CHIC1: variants seen among roughly 807,000 people sequenced by gnomAD.
The protein encoded by CHIC1 is cysteine-rich hydrophobic domain-containing protein 1.
Under a neutral mutation model 18.5 loss-of-function variants are expected in CHIC1, and 7 were observed. That is an observed-to-expected ratio of 0.38 (90% CI 0.22 to 0.71). The LOEUF (loss-of-function observed/expected upper bound fraction) is 0.71, where lower values mean the gene tolerates loss of function less well. CHIC1 is among the 30% of genes least tolerant of loss of function. CHIC1 has a pLI of 0.49. For synonymous variants in CHIC1, 77 were observed against 73.5 expected (o/e 1.05, Z -0.25); for missense variants, 159 against 176.9 (o/e 0.90, Z 0.57).
intron 3 of CHIC1, among the ~76,000 whole-genome samples, chrX:73,618,915 C>T (rs754882185): frequency 8.9e-6 from 1 of 112,273 alleles, no homozygotes; most frequent in South Asian, 3.7e-4. Flanking sequence ...CCTTAAGGAC[C>T]TCTGCAAGAC....
chrX:73,645,800 C>G (rs1309174471), intron 3 of CHIC1, among the ~76,000 whole-genome samples: 1 of 111,320 alleles, frequency 9.0e-6, no homozygotes, highest in Non-Finnish European at 1.9e-5. Context: ...TGGATATTAG[C>G]CTTGTCAGAT....
chrX:73,654,561 C>G (rs1036507004), intron 3 of CHIC1, among the ~76,000 whole-genome samples: 8 of 111,898 alleles, frequency 7.1e-5, no homozygotes, highest in Non-Finnish European at 1.3e-4. Context: ...AATTAGGAAG[C>G]ATTTCTTTGT....
chrX:73,567,983 A>G (rs985129699), intron 1 of CHIC1, among the ~76,000 whole-genome samples: 5 of 111,291 alleles, frequency 4.5e-5, no homozygotes, highest in African/African-American at 9.8e-5. Context: ...CTGATTCCCT[A>G]TGAATCCTCA....
chrX:73,668,293 TG>T (rs757862250), intron 3 of CHIC1, among the ~76,000 whole-genome samples: 1 of 111,843 alleles, frequency 8.9e-6, no homozygotes, highest in Non-Finnish European at 1.9e-5. Context: ...TTCTTGGCAT[TG>T]GGTTACAACA....
At position 73,642,570 on chromosome X, in the gene CHIC1, T is replaced by A. The variant is rs2057862960; in HGVS notation, c.508-36756T>A. On this transcript the variant is annotated intron_variant, in intron 3 of 5. Transcript: ENST00000373502. ...TGTCTTTTGTTGCCATTGCTTTTGGTGTTTTAGACATGAAGTCCTTGCCCA... is the reference window on the plus strand; with the variant it reads ...TGTCTTTTGTTGCCATTGCTTTTGGAGTTTTAGACATGAAGTCCTTGCCCA... Among the ~76,000 whole-genome samples, 5 of 105,279 alleles carry A rather than the reference T, an allele frequency of 4.7e-5. No individual in the cohort carries two copies. In the South Asian group the frequency reaches 2.2e-3, roughly 46 times the overall value. 91.4% of individuals were successfully genotyped at this position (105,279 alleles called of 115,157 possible). A position where few individuals can be genotyped will look rare whatever the true frequency, so the allele number is the denominator to read the frequency against.
chrX:73,582,661 CCTT>C (rs903155311), intron 2 of CHIC1, among the ~76,000 whole-genome samples: 2 of 110,307 alleles, frequency 1.8e-5, no homozygotes, highest in African/African-American at 6.6e-5. Flanking sequence ...TTTCTCCAAA[CCTT>C]CTCAGAGACA....
chrX:73,676,271 G>A (rs763051251), intron 3 of CHIC1, among the ~76,000 whole-genome samples: 32 of 111,629 alleles, frequency 2.9e-4, no homozygotes, highest in Admixed American at 1.0e-3. Flanking sequence ...GAATTTGAAT[G>A]TTGGCCTACC....
chrX:73,653,465 G>A (rs1206354751), intron 3 of CHIC1, among the ~76,000 whole-genome samples: 1 of 111,952 alleles, frequency 8.9e-6, no homozygotes, highest in Non-Finnish European at 1.9e-5. Flanking sequence ...GGTTACTGTA[G>A]CTTAGTAGTA....
chrX:73,630,188 T>C (rs913058038), intron 3 of CHIC1, among the ~76,000 whole-genome samples: 1 of 111,935 alleles, frequency 8.9e-6, no homozygotes, highest in Admixed American at 9.5e-5. Flanking sequence ...TATAGAATTA[T>C]GTCATTAGCA....
At chrX:73,626,824 G>A (rs2057785504) in intron 3 of CHIC1, among the ~76,000 whole-genome samples, 2 of 110,732 alleles carry the variant, frequency 1.8e-5, no homozygotes, top group African/African-American at 6.6e-5. Flanking sequence ...CATTTGATGA[G>A]GTCATGTTTT....
At chrX:73,658,259 T>TG (rs1288294876) in intron 3 of CHIC1, among the ~76,000 whole-genome samples, 1 of 85,200 alleles carries the variant, frequency 1.2e-5, no homozygotes, top group Non-Finnish European at 2.3e-5. Context: ...TTTTTTTTTT[T>TG]TTTTTTTTTT....
intron 1 of CHIC1, among the ~76,000 whole-genome samples, chrX:73,575,691 T>TGTGAGTGA (rs200895203): frequency 2.7e-5 from 3 of 109,747 alleles, no homozygotes; most frequent in African/African-American, 9.9e-5. Flanking sequence ...AGTTGCTCTG[T>TGTGAGTGA]GTGAGTGAGT....
At chrX:73,674,756 TTATTTCTTGCCTTCTGCTAGC>T (rs1569505741) in intron 3 of CHIC1, among the ~76,000 whole-genome samples, 1 of 111,544 alleles carries the variant, frequency 9.0e-6, no homozygotes, top group Non-Finnish European at 1.9e-5. Context: ...CTGATCTTAT[TTATTTCTTGCCTTCTGCTAGC>T]TTTTGAATGT....
chrX:73,665,637 C>T (rs1214994838), intron 3 of CHIC1, among the ~76,000 whole-genome samples: 1 of 111,484 alleles, frequency 9.0e-6, no homozygotes, highest in African/African-American at 3.3e-5. Flanking sequence ...GACTTACTGA[C>T]TGTGCAGTCT....
chrX:73,676,729 A>G, intron 3 of CHIC1, among the ~76,000 whole-genome samples: 1 of 111,769 alleles, frequency 8.9e-6, no homozygotes, highest in East Asian at 2.8e-4. Context: ...TCTTCTCTCA[A>G]CTTGTCAAAG....
intron 3 of CHIC1, among the ~76,000 whole-genome samples, chrX:73,640,292 TG>T (rs1173757399): frequency 1.8e-5 from 2 of 112,100 alleles, no homozygotes; most frequent in Non-Finnish European, 3.8e-5. Context: ...GATAATCATG[TG>T]GTTTTTGTTT....
rs766688635 is a variant in CHIC1 at position 73,679,570 on chromosome X, T to G, written c.565-84T>G. 1.1e-5 allele frequency: 7 copies of G among 656,500 alleles called. No homozygotes were observed. The Admixed American group carries it at 3.0e-4, about 28-fold the overall frequency. 54.1% of individuals were successfully genotyped at this position (656,500 alleles called of 1,213,427 possible). On this transcript the variant is annotated intron_variant, in intron 4 of 5. Transcript: ENST00000373502. ...TTTGTATCCTGTACTTTTCCTGGATTGTTTTCAGTGATTTATTCAAATGTA... is the reference window on the plus strand; with the variant it reads ...TTTGTATCCTGTACTTTTCCTGGATGGTTTTCAGTGATTTATTCAAATGTA...
chrX:73,639,114 A>G (rs1231307025), intron 3 of CHIC1, among the ~76,000 whole-genome samples: 1 of 112,035 alleles, frequency 8.9e-6, no homozygotes, highest in African/African-American at 3.2e-5. Context: ...CATTTTCTAC[A>G]GTGGTTTTCA....
chrX:73,584,612 A>G (rs1223972372), intron 3 of CHIC1, 40 bp downstream of exon 3: 5 of 1,002,427 alleles, frequency 5.0e-6, no homozygotes, highest in Admixed American at 3.0e-5. Context: ...ATAATAACTA[A>G]CATTTATGGA....
Sources: allele counts gnomAD v4.1 joint callset (sites outside exome capture counted in the v4.1 genomes callset), GRCh38; gene constraint gnomAD v4.1.1; transcripts MANE v1.5; gene names NCBI Gene and HGNC (gene_info 2026-07-23, HGNC 2026-07-21).